The following SLC12A1 variants were observed in gnomAD, a reference collection of about 807,000 sequenced individuals.
SLC12A1 encodes the protein solute carrier family 12 member 1.
In SLC12A1, 89 loss-of-function variants were observed where a neutral mutation model predicts 130.4. The ratio of observed to expected loss-of-function variants is 0.68; its 90% CI spans 0.58 to 0.81. The LOEUF is 0.81. SLC12A1 is among the 40% of genes least tolerant of loss of function. The probability of loss-of-function intolerance (pLI) is 0.00; values close to 1 mark genes in which losing one functional copy is unlikely to be tolerated. For missense variants in SLC12A1, 1,310 were observed against 1,336.4 expected (o/e 0.98, Z 0.31); for synonymous variants, 499 against 460.0 (o/e 1.08, Z -1.09).
chr15:48,244,326 CT>C (rs1486349340), intron 10 of SLC12A1, among the ~76,000 whole-genome samples: 1 of 152,184 alleles, frequency 6.6e-6, no homozygotes, highest in Non-Finnish European at 1.5e-5. Context: ...GCTGCGTTCT[CT>C]TAATCACTAT....
chr15:48,242,690 G>A (rs546289824), intron 10 of SLC12A1, among the ~76,000 whole-genome samples: 3 of 152,184 alleles, frequency 2.0e-5, no homozygotes, highest in South Asian at 4.2e-4. Context: ...TGATCCCAGC[G>A]ACTTGGAAGG....
At chr15:48,296,866 T>TA (rs2042182204) in intron 24 of SLC12A1, among the ~76,000 whole-genome samples, 1 of 152,100 alleles carries the variant, frequency 6.6e-6, no homozygotes, top group South Asian at 2.1e-4. Flanking sequence ...ATCCAAAGGA[T>TA]AGACCAATCA....
intron 25 of SLC12A1, among the ~76,000 whole-genome samples, chr15:48,299,755 T>A (rs1470459634): frequency 6.6e-6 from 1 of 152,170 alleles, no homozygotes; most frequent in Non-Finnish European, 1.5e-5. Context: ...CAGCACACAT[T>A]GTAAGATGGA....
chr15:48,231,944 G>A (rs2041384854), intron 7 of SLC12A1, among the ~76,000 whole-genome samples: 1 of 152,176 alleles, frequency 6.6e-6, no homozygotes, highest in African/African-American at 2.4e-5. Flanking sequence ...CCAGGAGGTG[G>A]AGGTTGCAGT....
chr15:48,259,408 T>C (rs896202074), intron 17 of SLC12A1, 97 bp downstream of exon 17: 27 of 862,544 alleles, frequency 3.1e-5, no homozygotes, highest in Middle Eastern at 2.3e-4. Flanking sequence ...GACAGGAAAA[T>C]AGCAAAAAAA....
At chr15:48,299,852 G>A (rs2042214012) in intron 25 of SLC12A1, among the ~76,000 whole-genome samples, 1 of 152,148 alleles carries the variant, frequency 6.6e-6, no homozygotes. Context: ...TGGTGATAAT[G>A]AGAATAATGC....
intron 17 of SLC12A1, among the ~76,000 whole-genome samples, chr15:48,267,041 G>A (rs1036070629): frequency 6.6e-6 from 1 of 152,064 alleles, no homozygotes; most frequent in African/African-American, 2.4e-5. Flanking sequence ...GTGGTATAAG[G>A]GTATTTTTGC....
At chr15:48,249,760 C>T in intron 14 of SLC12A1, 84 bp downstream of exon 14, 5 of 1,009,838 alleles carry the variant, frequency 5.0e-6, no homozygotes, top group Non-Finnish European at 7.8e-6. Context: ...GAAAAGTGTT[C>T]AATCTGTGTT....
Position 48,207,600 on chromosome 15 carries a change from A to T in SLC12A1, c.-120A>T. 1 of 709,896 alleles carries T rather than the reference A, an allele frequency of 1.4e-6. No individual in the cohort carries two copies. The highest frequency in any genetic ancestry group is 2.7e-5 in the South Asian group (1 of 36,402). 44.0% of individuals were successfully genotyped at this position (709,896 alleles called of 1,614,324 possible). On this transcript the variant is annotated 5_prime_UTR_variant, in exon 2 of 27. Coordinates refer to ENST00000380993, the MANE Select transcript of SLC12A1 (RefSeq NM_000338.3). ...CAAGAATCTATTTATTGAATCATCT[A>T]GAACAAAAGCCAGGAGCTCCCTAAT...
intron 13 of SLC12A1, among the ~76,000 whole-genome samples, chr15:48,247,821 T>A (rs1486071515): frequency 6.6e-6 from 1 of 152,216 alleles, no homozygotes; most frequent in East Asian, 1.9e-4. Context: ...TCTGGAAATG[T>A]GGTCCACTGA....
At chr15:48,280,496 A>G (rs1209664180) in intron 20 of SLC12A1, among the ~76,000 whole-genome samples, 1 of 152,200 alleles carries the variant, frequency 6.6e-6, no homozygotes, top group Non-Finnish European at 1.5e-5. Flanking sequence ...TTGAAAAGAG[A>G]GAAGGGCAGG....
intron 7 of SLC12A1, 48 bp downstream of exon 7, chr15:48,230,551 G>A: frequency 8.4e-7 from 1 of 1,197,442 alleles, no homozygotes; most frequent in Non-Finnish European, 1.2e-6. Flanking sequence ...GTCAGGTCCT[G>A]AACAAATTGC....
At chr15:48,225,750 T>A (rs750842661) in intron 4 of SLC12A1, 10 of 203,370 alleles carry the variant, frequency 4.9e-5, no homozygotes, top group Non-Finnish European at 8.7e-5. Flanking sequence ...TAAACTCAAA[T>A]GTGGTCCTTT....
intron 20 of SLC12A1, among the ~76,000 whole-genome samples, chr15:48,281,975 A>C (rs2042012741): frequency 6.6e-6 from 1 of 152,182 alleles, no homozygotes; most frequent in South Asian, 2.1e-4. Context: ...GCAGTACACC[A>C]GATAGATCAT....
intron 7 of SLC12A1, among the ~76,000 whole-genome samples, chr15:48,231,425 T>C (rs767344233): frequency 1.3e-5 from 2 of 152,238 alleles, no homozygotes; most frequent in Non-Finnish European, 1.5e-5. Context: ...AACCCTACTT[T>C]AGATAACTTT....
intron 1 of SLC12A1, 46 bp from the exon 2 acceptor site, chr15:48,207,488 T>C: frequency 2.8e-6 from 1 of 351,774 alleles, no homozygotes; most frequent in East Asian, 4.7e-5. Context: ...TACCTAAATA[T>C]ATTTGTATTA....
intron 1 of SLC12A1, among the ~76,000 whole-genome samples, chr15:48,206,819 C>T (rs953309456): frequency 2.0e-5 from 3 of 151,880 alleles, no homozygotes; most frequent in African/African-American, 7.3e-5. Context: ...AGGTATATGA[C>T]TTATTTCTTA....
rs376929975 is a variant in SLC12A1 at position 48,237,126 on chromosome 15, C to T, written c.1215+2122C>T. 30 of 661,116 alleles carry T rather than the reference C, an allele frequency of 4.5e-5. No homozygotes were observed. In the African/African-American group the frequency reaches 5.2e-4, roughly 11 times the overall value. The allele number at this position is 661,116 out of a possible 1,614,324, so 41.0% of individuals were successfully genotyped here. On this transcript the variant is annotated intron_variant, in intron 9 of 26. Transcript: ENST00000380993. ...AAGAGGAAGCAGAAATTGCCTGTCC[C>T]CTCAAAAAGTAAAGGAAGACTTTCA...
chr15:48,220,907 G>A lies in SLC12A1; in HGVS notation c.553-14G>A, dbSNP rs368192131. On this transcript the variant is annotated splice_polypyrimidine_tract_variant and intron_variant, in intron 3 of 26. Coordinates refer to ENST00000380993, the MANE Select transcript of SLC12A1 (RefSeq NM_000338.3). ...GTTTGTCCTGTCTCCTTTCAATACC[G>A]CTTCTATCCACAGGTAAGATGCATG... 40 of 1,613,520 alleles carry A rather than the reference G, an allele frequency of 2.5e-5. No individual in the cohort carries two copies. The highest frequency in any genetic ancestry group is 5.5e-5 in the South Asian group (5 of 91,068).
Sources: gnomAD v4.1 joint callset for allele counts (sites outside exome capture counted in the v4.1 genomes callset) on GRCh38, gnomAD v4.1.1 for gene constraint, MANE v1.5 for transcripts, NCBI Gene and HGNC (gene_info 2026-07-23, HGNC 2026-07-21) for gene names.